COL21A1: variants seen among roughly 807,000 people sequenced by gnomAD.
COL21A1 encodes collagen type XXI alpha 1 chain.
In COL21A1, 149 loss-of-function variants were observed where a neutral mutation model predicts 137.9. The observed-to-expected ratio is 1.08, with a 90% CI of 0.95 to 1.24. The LOEUF is 1.24. Among genes scored for constraint, COL21A1 ranks in the 50% most tolerant of loss-of-function variants. The pLI is 0.00. For missense variants in COL21A1, 1,167 were observed against 1,158.4 expected, an observed-to-expected ratio of 1.01 and a Z score of -0.11; for synonymous variants, 456 against 391.5, an observed-to-expected ratio of 1.16 and a Z score of -1.95.
chr6:56,167,994 C>A, intron 6 of COL21A1, 130 bp downstream of exon 6: 1 of 567,932 alleles, frequency 1.8e-6, no homozygotes, highest in Non-Finnish European at 2.9e-6. Context: ...ATGAACTGAC[C>A]ACATTTTGGT....
chr6:56,167,121 A>G lies in COL21A1; in HGVS notation c.1201-138T>C. On this transcript the variant is annotated intron_variant, in intron 6 of 29. Transcript: ENST00000244728. Reference sequence around the variant, plus strand: ...ATCACAGCATTTAGCTAAAACAATGAAAATACAAAATTTTAATACTTTACA... The same window carrying G: ...ATCACAGCATTTAGCTAAAACAATGGAAATACAAAATTTTAATACTTTACA... The G allele has an allele frequency of 4.6e-6, 3 of 646,506 alleles. No individual in the cohort carries two copies. The East Asian group carries it at 8.2e-5, about 18-fold the overall frequency. The allele number at this position is 646,506 out of a possible 1,614,324, so 40.0% of individuals were successfully genotyped here.
chr6:56,117,545 A>C (rs545343111), intron 16 of COL21A1, among the ~76,000 whole-genome samples: 8 of 152,078 alleles, frequency 5.3e-5, no homozygotes, highest in Non-Finnish European at 1.0e-4. Context: ...GAAAATCAAC[A>C]AAGAAACATT....
At chr6:56,177,041 A>AAGT (rs1333946157) in intron 3 of COL21A1, among the ~76,000 whole-genome samples, 1 of 151,418 alleles carries the variant, frequency 6.6e-6, no homozygotes, top group Non-Finnish European at 1.5e-5. Flanking sequence ...GAGGAGGAGG[A>AAGT]AGTAGTAGTA....
At chr6:56,322,471 C>T (rs1764892149) in intron 1 of COL21A1, among the ~76,000 whole-genome samples, 1 of 152,054 alleles carries the variant, frequency 6.6e-6, no homozygotes. Flanking sequence ...TTGTCAAATC[C>T]CAAAGCACAG....
At chr6:56,245,315 A>T (rs2152327061) in intron 1 of COL21A1, among the ~76,000 whole-genome samples, 1 of 152,344 alleles carries the variant, frequency 6.6e-6, no homozygotes, top group East Asian at 1.9e-4. Flanking sequence ...CCTTCACCAC[A>T]GTGACTTAAA....
chr6:56,325,659 T>G (rs1299181046), intron 1 of COL21A1, among the ~76,000 whole-genome samples: 2 of 708 alleles, frequency 2.8e-3, no homozygotes, highest in African/African-American at 3.0e-3. Flanking sequence ...ATATATTATA[T>G]ATTAAATATA....
In COL21A1 at chr6:56,167,933, A is replaced by G. The variant is rs147299300; in HGVS notation, c.1200+191T>C. On this transcript the variant is annotated intron_variant, in intron 6 of 29. Transcript: ENST00000244728. The stretch of plus-strand genomic sequence containing the variant: ...TTTTCTAAATATTCTTATGAAATAG[A>G]TTAAGTCCAATTCTGCATTTTAATA... Among the ~76,000 whole-genome samples the G allele has an allele frequency of 5.2e-3, 786 of 152,312 alleles. 5 individuals carry two copies. The highest frequency in any genetic ancestry group is 0.017 in the African/African-American group (691 of 41,584).
At chr6:56,067,429 T>A in intron 22 of COL21A1, 99 bp from the exon 23 acceptor site, 1 of 1,068,864 alleles carries the variant, frequency 9.4e-7, no homozygotes, top group Non-Finnish European at 1.4e-6. Context: ...CAACATCTCG[T>A]GCAAACTCCA....
intron 1 of COL21A1, chr6:56,276,911 C>G: frequency 2.3e-6 from 1 of 426,332 alleles, no homozygotes; most frequent in Non-Finnish European, 4.3e-6. Flanking sequence ...GGGTTCACGC[C>G]ATTCTACTGC....
chr6:56,316,653 T>C (rs187027359), intron 1 of COL21A1, among the ~76,000 whole-genome samples: 203 of 151,832 alleles, frequency 1.3e-3, no homozygotes, highest in African/African-American at 4.5e-3. Context: ...GGCTAATTTG[T>C]GTATTTTTAG....
intron 1 of COL21A1, among the ~76,000 whole-genome samples, chr6:56,322,286 G>A (rs1454454324): frequency 6.6e-6 from 1 of 152,148 alleles, no homozygotes; most frequent in African/African-American, 2.4e-5. Context: ...CCAACTACAT[G>A]TCTCACAACC....
intron 1 of COL21A1, among the ~76,000 whole-genome samples, chr6:56,344,118 T>G (rs1765533908): frequency 6.6e-6 from 1 of 152,208 alleles, no homozygotes; most frequent in Non-Finnish European, 1.5e-5. Flanking sequence ...ATGAAATGCA[T>G]TCCTAGATAG....
chr6:56,221,489 A>G (rs1296385162), intron 1 of COL21A1, among the ~76,000 whole-genome samples: 1 of 151,998 alleles, frequency 6.6e-6, no homozygotes, highest in African/African-American at 2.4e-5. Context: ...TTGGGAGATC[A>G]AAGCAGGAGG....
At position 56,071,238 on chromosome 6, in the gene COL21A1, T is replaced by A. The variant is rs181967248; in HGVS notation, c.1966-440A>T. Among the ~76,000 whole-genome samples the A allele has an allele frequency of 3.3e-3, 495 of 151,786 alleles. 3 individuals carry two copies. The highest frequency in any genetic ancestry group is 0.017 in the Middle Eastern group (5 of 294). On this transcript the variant is annotated intron_variant, in intron 20 of 29. Transcript: ENST00000244728. ...AAGTAGCTTCAAATGCACAATGGCT[T>A]TTTTTGAAGAAGTGTGAATCAGAAA...
intron 12 of COL21A1, among the ~76,000 whole-genome samples, chr6:56,137,902 A>C (rs2152232148): frequency 6.6e-6 from 1 of 152,326 alleles, no homozygotes; most frequent in East Asian, 1.9e-4. Flanking sequence ...AAGCAGCCAC[A>C]GAATTAGTTA....
chr6:56,270,185 T>C (rs1260479512), intron 1 of COL21A1, among the ~76,000 whole-genome samples: 2 of 152,208 alleles, frequency 1.3e-5, no homozygotes, highest in African/African-American at 2.4e-5. Flanking sequence ...TCATCTCACA[T>C]GTAGTGATAC....
intron 16 of COL21A1, 91 bp from the exon 17 acceptor site, chr6:56,101,616 A>T: frequency 1.1e-6 from 1 of 883,738 alleles, no homozygotes. Flanking sequence ...ATTAAAGAAC[A>T]TTAAATACAA....
At chr6:56,124,022 A>G in intron 16 of COL21A1, 40 bp downstream of exon 16, 1 of 1,448,882 alleles carries the variant, frequency 6.9e-7, no homozygotes, top group South Asian at 1.4e-5. Context: ...AAGATACAAA[A>G]ATCTTTTTGT....
At chr6:56,228,417 C>T (rs1278574492) in intron 1 of COL21A1, among the ~76,000 whole-genome samples, 1 of 151,722 alleles carries the variant, frequency 6.6e-6, no homozygotes, top group African/African-American at 2.4e-5. Context: ...AGAATGACCC[C>T]AGCCTCTGGC....
Sources: allele counts gnomAD v4.1 joint callset (sites outside exome capture counted in the v4.1 genomes callset), GRCh38; gene constraint gnomAD v4.1.1; transcripts MANE v1.5; gene names NCBI Gene and HGNC (gene_info 2026-07-23, HGNC 2026-07-21).